SEMA5B: variants seen among roughly 807,000 people sequenced by gnomAD.
SEMA5B encodes semaphorin 5B.
In SEMA5B, 66 loss-of-function variants were observed where a neutral mutation model predicts 135.0. That is an observed-to-expected ratio of 0.49 (90% confidence interval 0.40 to 0.60). SEMA5B has a LOEUF of 0.60. SEMA5B is among the 20% of genes least tolerant of loss of function. The pLI, the probability that SEMA5B is intolerant of heterozygous loss-of-function variation, is 0.00. For missense variants in SEMA5B, 1,501 were observed against 1,566.3 expected (o/e 0.96, Z 0.70); for synonymous variants, 690 against 639.5 (o/e 1.08, Z -1.19).
intron 1 of SEMA5B, among the ~76,000 whole-genome samples, chr3:123,013,939 C>G (rs1231085974): frequency 6.6e-6 from 1 of 152,316 alleles, no homozygotes; most frequent in East Asian, 1.9e-4. Context: ...TCTGTCTTCC[C>G]CATTCCACAG....
At chr3:122,932,677 G>A (rs1939039408) in intron 5 of SEMA5B, among the ~76,000 whole-genome samples, 1 of 152,012 alleles carries the variant, frequency 6.6e-6, no homozygotes, top group African/African-American at 2.4e-5. Flanking sequence ...AAGCAGTGGT[G>A]GGCTCTGGCA....
At chr3:122,982,377 C>G (rs1023575128) in intron 1 of SEMA5B, among the ~76,000 whole-genome samples, 2 of 152,166 alleles carry the variant, frequency 1.3e-5, no homozygotes, top group East Asian at 3.9e-4. Flanking sequence ...CCCTGGGGAG[C>G]TCACTGTTAA....
At chr3:122,963,553 A>AT (rs1262316227) in intron 1 of SEMA5B, among the ~76,000 whole-genome samples, 1 of 152,178 alleles carries the variant, frequency 6.6e-6, no homozygotes, top group African/African-American at 2.4e-5. Context: ...TAAGTGGCTG[A>AT]TTTTATTCTA....
At chr3:123,025,812 T>C (rs533103689) in intron 1 of SEMA5B, among the ~76,000 whole-genome samples, 1 of 152,216 alleles carries the variant, frequency 6.6e-6, no homozygotes, top group Non-Finnish European at 1.5e-5. Flanking sequence ...ATCTCTCCTA[T>C]ATTTTATCTC....
rs746044809 is a variant in SEMA5B at position 122,923,768 on chromosome 3, T to C, written c.1137-16A>G. 6.2e-7 allele frequency: 1 copy of C among 1,613,826 alleles called. No homozygotes were observed. The highest frequency in any genetic ancestry group is 8.5e-7 in the Non-Finnish European group (1 of 1,179,900). On this transcript the variant is annotated splice_polypyrimidine_tract_variant and intron_variant, in intron 9 of 22. Transcript: ENST00000357599. The stretch of plus-strand genomic sequence containing the variant: ...GATGCTGTTTCTGAAAGGCAAGAAG[T>C]GGTGGCACAGGGCCCTCCCTGTAAG...
At chr3:122,966,548 ATT>A (rs1297858261) in intron 1 of SEMA5B, among the ~76,000 whole-genome samples, 1 of 147,412 alleles carries the variant, frequency 6.8e-6, no homozygotes, top group African/African-American at 2.6e-5. Context: ...TATTATTATT[ATT>A]ATTATTATTA....
Position 122,939,592 on chromosome 3 carries a change from C to T in SEMA5B, c.429-122G>A. ...TGGGTGCTGATTGCCTAGGGTCAAC[C>T]CCTAAGGAGAGCTTTACCTCCATTT... On this transcript the variant is annotated intron_variant, in intron 4 of 22. Coordinates refer to ENST00000357599, the MANE Select transcript of SEMA5B (RefSeq NM_001031702.4). 5 of 713,268 alleles carry T rather than the reference C, an allele frequency of 7.0e-6. No individual in the cohort carries two copies. In the South Asian group the frequency reaches 8.1e-5, roughly 12 times the overall value. The allele number at this position is 713,268 out of a possible 1,614,324, so 44.2% of individuals were successfully genotyped here. A position where few individuals can be genotyped will look rare whatever the true frequency, so the allele number is the denominator to read the frequency against.
At position 122,913,290 on chromosome 3, in the gene SEMA5B, G is replaced by C. The variant is rs1329141291; in HGVS notation, c.2415C>G (p.Pro805=). ...EQRFRFTCRA[P]LADPHGLQFG... ...ACTGCAGGCCGTGCGGGTCTGCAAG[G>C]GGCGCGCGGCAGGTGAAGCGGAACC... The change falls in exon 17 of 23, where the codon CCC becomes CCG. Residue 805 remains proline (P), a synonymous_variant. Coordinates refer to ENST00000357599, the MANE Select transcript of SEMA5B (RefSeq NM_001031702.4). 6 of 1,582,574 alleles carry C rather than the reference G, an allele frequency of 3.8e-6. No individual in the cohort carries two copies. Among genetic ancestry groups the C allele is most frequent in the Non-Finnish European group, 5.1e-6 (6 of 1,172,938 alleles).
At chr3:123,025,210 G>C (rs906171316) in intron 1 of SEMA5B, among the ~76,000 whole-genome samples, 10 of 152,164 alleles carry the variant, frequency 6.6e-5, no homozygotes, top group African/African-American at 2.4e-4. Context: ...GGGAAAGGAG[G>C]TGCTGGCTGT....
At chr3:122,946,632 G>A (rs1408393967) in intron 3 of SEMA5B, among the ~76,000 whole-genome samples, 2 of 152,166 alleles carry the variant, frequency 1.3e-5, no homozygotes, top group African/African-American at 4.8e-5. Context: ...TCCAGGACCA[G>A]AACCAGTACC....
At chr3:122,921,768 CA>C in intron 12 of SEMA5B, 146 bp downstream of exon 12, 1 of 594,366 alleles carries the variant, frequency 1.7e-6, no homozygotes, top group East Asian at 3.2e-5. Flanking sequence ...AGGAGAGAAC[CA>C]AGGTTCAGCG....
intron 1 of SEMA5B, among the ~76,000 whole-genome samples, chr3:122,971,612 C>T (rs1941118878): frequency 6.6e-6 from 1 of 152,254 alleles, no homozygotes; most frequent in South Asian, 2.1e-4. Context: ...ATCCTCAGCC[C>T]GTGTCTATTG....
chr3:123,012,484 C>T (rs1942460036), intron 1 of SEMA5B, among the ~76,000 whole-genome samples: 1 of 152,226 alleles, frequency 6.6e-6, no homozygotes, highest in Admixed American at 6.5e-5. Flanking sequence ...CCCTACCCCA[C>T]CTAGGCCCCA....
chr3:122,969,233 A>G lies in SEMA5B; in HGVS notation c.-38-7932T>C, dbSNP rs991236877. On this transcript the variant is annotated intron_variant, in intron 1 of 22. Transcript: ENST00000357599. ...GTCACACCAGAAGTGGCAGAGCCGGATCTGCTCTCAGATCTCTTTGATGCC... is the reference window on the plus strand; with the variant it reads ...GTCACACCAGAAGTGGCAGAGCCGGGTCTGCTCTCAGATCTCTTTGATGCC... 3.3e-5 allele frequency among the ~76,000 whole-genome samples: 5 copies of G among 152,192 alleles called. No individual in the cohort carries two copies. In the South Asian group the frequency reaches 8.3e-4, roughly 25 times the overall value.
chr3:122,949,454 C>T (rs529828459), intron 2 of SEMA5B, among the ~76,000 whole-genome samples: 1 of 152,368 alleles, frequency 6.6e-6, no homozygotes, highest in African/African-American at 2.4e-5. Flanking sequence ...TTCCAGCCTG[C>T]AAGTTGCCCT....
chr3:122,921,926 G>C lies in SEMA5B; in HGVS notation c.1677C>G (p.Tyr559Ter). 6.5e-7 allele frequency: 1 copy of C among 1,533,182 alleles called. No homozygotes were observed. The allele number at this position is 1,533,182 out of a possible 1,614,324, so 95.0% of individuals were successfully genotyped here. A position where few individuals can be genotyped will look rare whatever the true frequency, so the allele number is the denominator to read the frequency against. ...CCGTCCCGGCTTACCCCTGGCTGCG[G>C]TAGGCGGCGCACCTCTCCAGTGGGA... Reference protein sequence around the residue: ...LRVPLERCAAYRSQGACLGAR... With the variant: ...LRVPLERCAA Residue 559 changes from tyrosine (Y) to a stop codon, truncating the protein, a stop_gained, in exon 12 of 23, where the codon TAC becomes TAG. Transcript: ENST00000357599. LOFTEE classifies it high-confidence loss of function.
chr3:122,953,509 C>A (rs1407113239), intron 2 of SEMA5B, among the ~76,000 whole-genome samples: 1 of 152,178 alleles, frequency 6.6e-6, no homozygotes, highest in Non-Finnish European at 1.5e-5. Context: ...CTGTGTCCAC[C>A]TCGGCCCCAG....
At chr3:123,002,914 G>A (rs1942216927) in intron 1 of SEMA5B, among the ~76,000 whole-genome samples, 1 of 152,160 alleles carries the variant, frequency 6.6e-6, no homozygotes, top group African/African-American at 2.4e-5. Flanking sequence ...TATTTCCGGA[G>A]ATAAGGATGA....
chr3:122,955,925 G>A (rs769165463), intron 2 of SEMA5B, among the ~76,000 whole-genome samples: 7 of 152,242 alleles, frequency 4.6e-5, no homozygotes, highest in Admixed American at 1.3e-4. Flanking sequence ...AGATGAGAAA[G>A]CGGGGAGGAG....
Sources: allele counts gnomAD v4.1 joint callset (sites outside exome capture counted in the v4.1 genomes callset), GRCh38; gene constraint gnomAD v4.1.1; transcripts MANE v1.5; gene names NCBI Gene and HGNC (gene_info 2026-07-23, HGNC 2026-07-21).